ERVH48-1: variants seen among roughly 807,000 people sequenced by gnomAD.
ERVH48-1 encodes suppressyn.
ERVH48-1 carries 4 observed loss-of-function variants against 2.4 expected under a neutral mutation model. That is an observed-to-expected ratio of 1.68 (90% CI 0.83 to 3.84). The LOEUF (loss-of-function observed/expected upper bound fraction) is 3.84. Ranked by LOEUF, ERVH48-1 falls within the 30% of genes most tolerant of loss-of-function variation. ERVH48-1 has a pLI of 0.01. For missense variants in ERVH48-1, 97 were observed against 43.4 expected (o/e 2.23, Z -3.47); for synonymous variants, 32 against 15.5 (o/e 2.06, Z -2.49).
At position 42,918,498 on chromosome 21, in the gene ERVH48-1, C is replaced by G; in HGVS notation, c.*26G>C. ...TCCTAGATCTACAAACAGATTTTTTCCTGGCTTAGGAAGGGATGCATCTGC... is the reference window on the plus strand; with the variant it reads ...TCCTAGATCTACAAACAGATTTTTTGCTGGCTTAGGAAGGGATGCATCTGC... On this transcript the variant is annotated 3_prime_UTR_variant, in exon 2 of 2. Coordinates refer to ENST00000447535, the MANE Select transcript of ERVH48-1 (RefSeq NM_001308491.2). 1 of 437,282 alleles carries G rather than the reference C, an allele frequency of 2.3e-6. No homozygotes were observed. Among genetic ancestry groups the G allele is most frequent in the Non-Finnish European group, 4.6e-6 (1 of 217,938 alleles). The allele number at this position is 437,282 out of a possible 1,614,324, so 27.1% of individuals were successfully genotyped here. A position where few individuals can be genotyped will look rare whatever the true frequency, so the allele number is the denominator to read the frequency against.
chr21:42,921,320 C>G (rs994434196), intron 1 of ERVH48-1, among the ~76,000 whole-genome samples: 4 of 152,034 alleles, frequency 2.6e-5, no homozygotes, highest in Admixed American at 6.6e-5. Context: ...CCTTTAGCAG[C>G]TTGGTATAAC....
chr21:42,925,041 G>A (rs1478195424), intron 1 of ERVH48-1, among the ~76,000 whole-genome samples: 1 of 151,960 alleles, frequency 6.6e-6, no homozygotes, highest in East Asian at 1.9e-4. Flanking sequence ...CACCTCCCGG[G>A]TTCAAGCGAT....
At chr21:42,922,923 T>C (rs1464857053) in intron 1 of ERVH48-1, among the ~76,000 whole-genome samples, 1 of 152,140 alleles carries the variant, frequency 6.6e-6, no homozygotes, top group African/African-American at 2.4e-5. Flanking sequence ...TTGATATTAA[T>C]TTTAAAAACA....
rs1431319109 is a variant in ERVH48-1, at chr21:42,919,113, T to C, written c.-107A>G. 1 of 1,191,722 alleles carries C rather than the reference T, an allele frequency of 8.4e-7. No individual in the cohort carries two copies. The highest frequency in any genetic ancestry group is 1.1e-6 in the Non-Finnish European group (1 of 941,148). 73.8% of individuals were successfully genotyped at this position (1,191,722 alleles called of 1,614,324 possible). ...TTGGCCCAGACAAACACTTAGCTGTTAATGTTTTGGAGGAAGAAGCTGCCT... is the reference window on the plus strand; with the variant it reads ...TTGGCCCAGACAAACACTTAGCTGTCAATGTTTTGGAGGAAGAAGCTGCCT... On this transcript the variant is annotated 5_prime_UTR_variant, in exon 2 of 2. Transcript: ENST00000447535.
chr21:42,918,522 G>T lies in ERVH48-1; in HGVS notation c.*2C>A, dbSNP rs1224424546. On this transcript the variant is annotated 3_prime_UTR_variant, in exon 2 of 2. Coordinates refer to ENST00000447535, the MANE Select transcript of ERVH48-1 (RefSeq NM_001308491.2). ...TCCTGGCTTAGGAAGGGATGCATCTGCTTATAGTTTTTGTATAAAGGAATG... is the reference window on the plus strand; with the variant it reads ...TCCTGGCTTAGGAAGGGATGCATCTTCTTATAGTTTTTGTATAAAGGAATG... The T allele has an allele frequency of 2.2e-6, 1 of 453,948 alleles. No homozygotes were observed. Among genetic ancestry groups the T allele is most frequent in the Non-Finnish European group, 4.4e-6 (1 of 225,416 alleles). The allele number at this position is 453,948 out of a possible 1,614,324, so 28.1% of individuals were successfully genotyped here.
At chr21:42,921,940 G>T (rs1216214652) in intron 1 of ERVH48-1, among the ~76,000 whole-genome samples, 1 of 152,186 alleles carries the variant, frequency 6.6e-6, no homozygotes, top group Non-Finnish European at 1.5e-5. Flanking sequence ...AAAGTAAAGT[G>T]TATGGGTTAG....
chr21:42,922,569 T>C (rs2058808998), intron 1 of ERVH48-1, among the ~76,000 whole-genome samples: 1 of 151,502 alleles, frequency 6.6e-6, no homozygotes, highest in Non-Finnish European at 1.5e-5. Context: ...TGAAACCCCG[T>C]CTCTACTAAA....
At chr21:42,921,439 AG>A (rs1435711393) in intron 1 of ERVH48-1, among the ~76,000 whole-genome samples, 3 of 152,004 alleles carry the variant, frequency 2.0e-5, no homozygotes, top group Non-Finnish European at 4.4e-5. Context: ...GGACTGGAAG[AG>A]GGATATGTGG....
Position 42,919,151 on chromosome 21 carries a change from T to G in ERVH48-1, c.-145A>C. Reference sequence around the variant, plus strand: ...GAAGAAGCTGCCTTGGGGGTGAGCTTGACCCTGGTGCGATGGATCCAGTTG... The same window carrying G: ...GAAGAAGCTGCCTTGGGGGTGAGCTGGACCCTGGTGCGATGGATCCAGTTG... On this transcript the variant is annotated 5_prime_UTR_variant, in exon 2 of 2. Coordinates refer to ENST00000447535, the MANE Select transcript of ERVH48-1 (RefSeq NM_001308491.2). 2 of 1,034,736 alleles carry G rather than the reference T, an allele frequency of 1.9e-6. No homozygotes were observed. Among genetic ancestry groups the G allele is most frequent in the Non-Finnish European group, 2.5e-6 (2 of 801,320 alleles). The allele number at this position is 1,034,736 out of a possible 1,614,324, so 64.1% of individuals were successfully genotyped here. A position where few individuals can be genotyped will look rare whatever the true frequency, so the allele number is the denominator to read the frequency against.
chr21:42,924,294 G>A (rs1032896100), intron 1 of ERVH48-1, among the ~76,000 whole-genome samples: 1 of 152,102 alleles, frequency 6.6e-6, no homozygotes, highest in African/African-American at 2.4e-5. Flanking sequence ...TACTCTTGGA[G>A]GCAGTGCTGG....
At chr21:42,922,618 T>A (rs1039645484) in intron 1 of ERVH48-1, among the ~76,000 whole-genome samples, 1 of 151,236 alleles carries the variant, frequency 6.6e-6, no homozygotes, top group Admixed American at 6.6e-5. Context: ...CGGGCGCCTG[T>A]AGTCCCAGCT....
rs370187151 is a variant in ERVH48-1 at position 42,919,723 on chromosome 21, G to A, written c.-285-432C>T. Reference sequence around the variant, plus strand: ...ATAAAGGCAGGCCCGTTATCGGACCGGATGGATGTTGGGAGTCTGAAACAG... The same window carrying A: ...ATAAAGGCAGGCCCGTTATCGGACCAGATGGATGTTGGGAGTCTGAAACAG... On this transcript the variant is annotated intron_variant, in intron 1 of 1. Transcript: ENST00000447535. Among the ~76,000 whole-genome samples, 28 of 152,300 alleles carry A rather than the reference G, an allele frequency of 1.8e-4. 1 individual carries two copies. Among genetic ancestry groups the A allele is most frequent in the Admixed American group, 5.2e-4 (8 of 15,294 alleles).
In ERVH48-1 at chr21:42,918,248, CGA is replaced by C. The variant is rs575802395; in HGVS notation, c.*274_*275del. On this transcript the variant is annotated 3_prime_UTR_variant, in exon 2 of 2. Coordinates refer to ENST00000447535, the MANE Select transcript of ERVH48-1 (RefSeq NM_001308491.2). ...TGGTGACGGGTTTTCACCTACGGCG[CGA>C]TGGGTTTTATCAGTCCACTTGCGGG... 2.6e-4 allele frequency: 77 copies of C among 300,492 alleles called. No homozygotes were observed. The East Asian group carries it at 5.2e-3, about 20-fold the overall frequency. The allele number at this position is 300,492 out of a possible 1,614,324, so 18.6% of individuals were successfully genotyped here. A position where few individuals can be genotyped will look rare whatever the true frequency, so the allele number is the denominator to read the frequency against.
chr21:42,919,776 G>C (rs1181289310), intron 1 of ERVH48-1, among the ~76,000 whole-genome samples: 1 of 152,228 alleles, frequency 6.6e-6, no homozygotes, highest in African/African-American at 2.4e-5. Flanking sequence ...GAGAGTTTGT[G>C]TGATGATATT....
chr21:42,920,451 T>G (rs2146178159), intron 1 of ERVH48-1, among the ~76,000 whole-genome samples: 1 of 152,302 alleles, frequency 6.6e-6, no homozygotes, highest in Non-Finnish European at 1.5e-5. Flanking sequence ...AGCTTGCTGA[T>G]GAGAGCATTC....
intron 1 of ERVH48-1, among the ~76,000 whole-genome samples, chr21:42,921,122 C>A (rs2058804286): frequency 6.6e-6 from 1 of 151,914 alleles, no homozygotes; most frequent in Non-Finnish European, 1.5e-5. Context: ...TAGGCAACAA[C>A]CTGGAGGGCG....
intron 1 of ERVH48-1, among the ~76,000 whole-genome samples, chr21:42,920,161 CAG>C (rs1469806315): frequency 1.3e-5 from 2 of 151,816 alleles, no homozygotes; most frequent in African/African-American, 4.9e-5. Context: ...CTTTGGAGGA[CAG>C]GGATTGTTTG....
rs2058791720 is a variant in ERVH48-1, at chr21:42,917,284, T to A, written c.*1240A>T. 6.6e-6 allele frequency: 1 copy of A among 152,188 alleles called. No individual in the cohort carries two copies. Among genetic ancestry groups the A allele is most frequent in the Admixed American group, 6.5e-5 (1 of 15,274 alleles). 9.4% of individuals were successfully genotyped at this position (152,188 alleles called of 1,614,324 possible). ...GTGCCGCTGTAGCAGGAGCATCATC[T>A]GGATTGTCAGGAGGTTAACTGTAGT... On this transcript the variant is annotated 3_prime_UTR_variant, in exon 2 of 2. Coordinates refer to ENST00000447535, the MANE Select transcript of ERVH48-1 (RefSeq NM_001308491.2).
Position 42,925,361 on chromosome 21 carries a change from G to C in ERVH48-1, c.-301C>G, listed in dbSNP as rs2058817736. 4.4e-6 allele frequency: 2 copies of C among 456,642 alleles called. No individual in the cohort carries two copies. Among genetic ancestry groups the C allele is most frequent in the African/African-American group, 4.2e-5 (2 of 47,428 alleles). The allele number at this position is 456,642 out of a possible 1,614,324, so 28.3% of individuals were successfully genotyped here. A position where few individuals can be genotyped will look rare whatever the true frequency, so the allele number is the denominator to read the frequency against. ...GGAAACTTACCAGTAGGCGAGATCA[G>C]TGACCGATGTGCATGCACAGAGAGG... On this transcript the variant is annotated 5_prime_UTR_variant, in exon 1 of 2. Coordinates refer to ENST00000447535, the MANE Select transcript of ERVH48-1 (RefSeq NM_001308491.2).
Sources: allele counts gnomAD v4.1 joint callset (sites outside exome capture counted in the v4.1 genomes callset), GRCh38; gene constraint gnomAD v4.1.1; transcripts MANE v1.5; gene names NCBI Gene and HGNC (gene_info 2026-07-23, HGNC 2026-07-21).